TTN: variants seen among roughly 807,000 people sequenced by gnomAD.
TTN encodes the protein connectin.
TTN carries 1,525 observed loss-of-function variants against 3,223.0 expected under a neutral mutation model. The observed-to-expected ratio is 0.47, with a 90% CI of 0.45 to 0.49. The LOEUF (loss-of-function observed/expected upper bound fraction) is 0.49, where lower values mean the gene tolerates loss of function less well. TTN is among the 20% of genes least tolerant of loss of function. TTN has a pLI of 0.00. For synonymous variants in TTN, 14,094 were observed against 15,161.0 expected (o/e 0.93, Z 5.17); for missense variants, 40,786 against 43,424.0 (o/e 0.94, Z 5.40).
chr2:178,562,692 C>G lies in TTN; in HGVS notation c.83440G>C (p.Ala27814Pro), dbSNP rs772828081. ...EKRETTRKAY[A>P]TITNNCTKTT... ...TTAGTGCAATTATTTGTAATGGTAG[C>G]ATAGGCTTTTCTTGTAGTTTCTCGT... The change falls in exon 326 of 363, where the codon GCT becomes CCT. Residue 27814 changes from alanine (A) to proline (P), a missense_variant. Ala to Pro is a conservative substitution (Grantham distance 27). Coordinates refer to ENST00000589042, the MANE Select transcript of TTN (RefSeq NM_001267550.2). 3.8e-6 allele frequency: 6 copies of G among 1,596,206 alleles called. No homozygotes were observed. Among genetic ancestry groups the G allele is most frequent in the Non-Finnish European group, 5.1e-6 (6 of 1,172,610 alleles).
intron 29 of TTN, 38 bp downstream of exon 29, chr2:178,774,883 A>T: frequency 6.2e-7 from 1 of 1,612,046 alleles, no homozygotes; most frequent in South Asian, 1.1e-5. Flanking sequence ...GTGACTTTAG[A>T]GCTTAGGTAA....
chr2:178,805,224 G>C (rs1314261063), intron 1 of TTN, among the ~76,000 whole-genome samples: 3 of 151,488 alleles, frequency 2.0e-5, no homozygotes, highest in Admixed American at 1.3e-4. Flanking sequence ...CATGTCTGTA[G>C]TCCCAGCTAC....
Position 178,594,381 on chromosome 2 carries a change from T to C in TTN, c.58113A>G (p.Ser19371=), listed in dbSNP as rs2154187203. The part of the protein sequence containing the change: ...AVNIVGQGKP[S]FCTKPITCKD... ...TGCAAGTAATTGGTTTGGTGCAAAATGATGGTTTGCCTTGTCCAACAATGT... is the reference window on the plus strand; with the variant it reads ...TGCAAGTAATTGGTTTGGTGCAAAACGATGGTTTGCCTTGTCCAACAATGT... Residue 19371 remains serine (S), a synonymous_variant, in exon 296 of 363, where the codon TCA becomes TCG. Coordinates refer to ENST00000589042, the MANE Select transcript of TTN (RefSeq NM_001267550.2). 6.2e-7 allele frequency: 1 copy of C among 1,600,346 alleles called. No individual in the cohort carries two copies.
At position 178,722,553 on chromosome 2, in the gene TTN, G is replaced by A; in HGVS notation, c.22241-7C>T. 6.2e-7 allele frequency: 1 copy of A among 1,608,658 alleles called. No homozygotes were observed. The highest frequency in any genetic ancestry group is 1.7e-4 in the Middle Eastern group (1 of 6,012). ...GAAGGTGGGAGTTGGCGCTCTGTAG[G>A]GAGACATGTAATACTTAAGGTGTTA... On this transcript the variant is annotated splice_polypyrimidine_tract_variant and splice_region_variant and intron_variant, in intron 76 of 362. Transcript: ENST00000589042.
chr2:178,684,672 C>A lies in TTN; in HGVS notation c.32632G>T (p.Ala10878Ser), dbSNP rs1577383235. 1.2e-6 allele frequency: 2 copies of A among 1,606,220 alleles called. No individual in the cohort carries two copies. The highest frequency in any genetic ancestry group is 1.7e-6 in the Non-Finnish European group (2 of 1,177,870). ...GCTGGGGAGGTTTGTTTACCTTTGG[C>A]TGGGAGAGGTTCTTCCATCTTAATG... is the stretch of plus-strand genomic sequence containing the variant. ...KVIKMEEPLP[A>S]KVTERHMQIT... The change falls in exon 131 of 363, where the codon GCC (alanine) becomes TCC (serine). Residue 10878 changes from alanine to serine, a missense_variant. Physicochemically the swap from Ala to Ser is moderately conservative, Grantham distance 99 (BLOSUM62 1). Transcript: ENST00000589042.
At chr2:178,550,925 G>T in intron 336 of TTN, 42 bp downstream of exon 336, 1 of 1,575,126 alleles carries the variant, frequency 6.3e-7, no homozygotes. Flanking sequence ...TTAAAAATGT[G>T]AATGCTCTTA....
At position 178,790,732 on chromosome 2, in the gene TTN, A is replaced by T; in HGVS notation, c.1776T>A (p.Asp592Glu). The part of the protein sequence containing the change: ...GAQEETTTQQ[D>E]QMHLSYEKIM... ...CCTTTTCATAACTTAGGTGCATTTG[A>T]TCTTGTTGTGTGGTAGTTTCTTCTT... The change falls in exon 11 of 363, where the codon GAT becomes GAA. Residue 592 changes from aspartate (D) to glutamate (E), a missense_variant. Coordinates refer to ENST00000589042, the MANE Select transcript of TTN (RefSeq NM_001267550.2). 3 of 1,614,076 alleles carry T rather than the reference A, an allele frequency of 1.9e-6. No homozygotes were observed. Among genetic ancestry groups the T allele is most frequent in the Middle Eastern group, 3.3e-4 (2 of 6,062 alleles).
rs1003572610 is a variant in TTN, at chr2:178,768,544, T to C, written c.9163+129A>G. On this transcript the variant is annotated intron_variant, in intron 38 of 362. Transcript: ENST00000589042. ...TGTAGCATATCGTAGTGCTTCCTTT[T>C]TATTGCTGAATGATATCCCATCGTA... The C allele has an allele frequency of 2.9e-6, 4 of 1,375,522 alleles. No homozygotes were observed. The African/African-American group carries it at 4.4e-5, about 15-fold the overall frequency. 85.2% of individuals were successfully genotyped at this position (1,375,522 alleles called of 1,614,324 possible).
At chr2:178,610,473 G>C (rs558576414) in intron 270 of TTN, 84 bp from the exon 271 acceptor site, 146 of 1,411,306 alleles carry the variant, frequency 1.0e-4, no homozygotes, top group Non-Finnish European at 1.4e-4. Flanking sequence ...GGGGCTATCT[G>C]TATTTTGGGT....
Position 178,655,304 on chromosome 2 carries a change from A to G in TTN, c.38039-309T>C, listed in dbSNP as rs2063819418. On this transcript the variant is annotated intron_variant, in intron 189 of 362. Transcript: ENST00000589042. Reference sequence around the variant, plus strand: ...TATCTCAAAATAATAAGAGCTATTTATGACAAACCCACAGCCAGTATCATA... The same window carrying G: ...TATCTCAAAATAATAAGAGCTATTTGTGACAAACCCACAGCCAGTATCATA... Among the ~76,000 whole-genome samples the G allele has an allele frequency of 1.5e-5, 2 of 136,664 alleles. 1 individual carries two copies. The highest frequency in any genetic ancestry group is 3.0e-5 in the Non-Finnish European group (2 of 66,374). The allele number at this position is 136,664 out of a possible 152,430, so 89.7% of individuals were successfully genotyped here.
rs763256735 is a variant in TTN at position 178,565,195 on chromosome 2, T to G, written c.80937A>C (p.Pro26979=). 1.2e-6 allele frequency: 2 copies of G among 1,613,500 alleles called. No individual in the cohort carries two copies. The highest frequency in any genetic ancestry group is 1.7e-6 in the Non-Finnish European group (2 of 1,179,696). Residue 26979 remains proline, a synonymous_variant, in exon 326 of 363, where the codon CCA becomes CCC. Coordinates refer to ENST00000589042, the MANE Select transcript of TTN (RefSeq NM_001267550.2). ...CTGCACTAACTTCATCAAACCGAAC[T>G]GGGCCAACTGGAGGTCCAGGCTTTT... The part of the protein sequence containing the change: ...VLEKPGPPVG[P]VRFDEVSADF...
chr2:178,606,033 G>C (rs2154195983), intron 278 of TTN, among the ~76,000 whole-genome samples: 1 of 152,146 alleles, frequency 6.6e-6, no homozygotes, highest in Non-Finnish European at 1.5e-5. Flanking sequence ...AGGAAAGTAA[G>C]TCTGTGAAGC....
In TTN at chr2:178,555,064, A is replaced by G. The variant is rs1180686445; in HGVS notation, c.88395T>C (p.Ser29465=). 6.2e-7 allele frequency: 1 copy of G among 1,613,850 alleles called. No homozygotes were observed. Among genetic ancestry groups the G allele is most frequent in the South Asian group, 1.1e-5 (1 of 91,078 alleles). The part of the protein sequence containing the change: ...GTSVKLRAGI[S]GKPAPTIEWY... ...ACTCAATAGTAGGCGCAGGTTTGCC[A>G]GAAATGCCAGCTCTGAGCTTCACAG... The change falls in exon 331 of 363, where the codon TCT becomes TCC. Residue 29465 remains serine, a synonymous_variant. Coordinates refer to ENST00000589042, the MANE Select transcript of TTN (RefSeq NM_001267550.2).
In TTN at chr2:178,529,028, C is replaced by T. The variant is rs886055217; in HGVS notation, c.106723G>A (p.Glu35575Lys). The T allele has an allele frequency of 1.9e-6, 3 of 1,613,976 alleles. No individual in the cohort carries two copies. The highest frequency in any genetic ancestry group is 2.5e-6 in the Non-Finnish European group (3 of 1,179,880). Residue 35575 changes from glutamate to lysine, a missense_variant, in exon 360 of 363, where the codon GAA (glutamate) becomes AAA (lysine). Coordinates refer to ENST00000589042, the MANE Select transcript of TTN (RefSeq NM_001267550.2). Reference sequence around the variant, plus strand: ...GAGGTTGCTGCTGATTTCTTGACTTCTTCAGAAATCAGAACCTTTGAAGCT... The same window carrying T: ...GAGGTTGCTGCTGATTTCTTGACTTTTTCAGAAATCAGAACCTTTGAAGCT... ...EEASKVLISE[E>K]VKKSAATSLE...
At position 178,707,550 on chromosome 2, in the gene TTN, T is replaced by A; in HGVS notation, c.29017A>T (p.Thr9673Ser). The A allele has an allele frequency of 6.2e-7, 1 of 1,613,464 alleles. No individual in the cohort carries two copies. Among genetic ancestry groups the A allele is most frequent in the South Asian group, 1.1e-5 (1 of 91,030 alleles). Residue 9673 changes from threonine to serine, a missense_variant, in exon 100 of 363, where the codon ACC becomes TCC. Thr to Ser is a moderately conservative substitution (Grantham distance 58). Coordinates refer to ENST00000589042, the MANE Select transcript of TTN (RefSeq NM_001267550.2). ...CCTTTAATGGTCACTTTTGATTTGGTAGTGTCACTTCCAGCCACATTTGAA... is the reference window on the plus strand; with the variant it reads ...CCTTTAATGGTCACTTTTGATTTGGAAGTGTCACTTCCAGCCACATTTGAA... ...KASNVAGSDT[T>S]KSKVTIKDKP...
At chr2:178,664,210 G>T in intron 168 of TTN, 112 bp from the exon 169 acceptor site, 3 of 1,080,650 alleles carry the variant, frequency 2.8e-6, no homozygotes, top group African/African-American at 1.6e-5. Context: ...TGAGATCAGT[G>T]GTAACAAGTT....
rs1402117670 is a variant in TTN, at chr2:178,720,488, A to G, written c.23274T>C (p.Ser7758=). 1.2e-6 allele frequency: 2 copies of G among 1,613,706 alleles called. No individual in the cohort carries two copies. Among genetic ancestry groups the G allele is most frequent in the Non-Finnish European group, 1.7e-6 (2 of 1,179,684 alleles). ...FKITSKHFDT[S]LHILNLEASD... ...AGGCTTCAAGATTAAGGATATGAAG[A>G]CTTGTATCAAAATGTTTTGAAGTGA... The change falls in exon 80 of 363, where the codon AGT becomes AGC. Residue 7758 remains serine, a synonymous_variant. Coordinates refer to ENST00000589042, the MANE Select transcript of TTN (RefSeq NM_001267550.2).
At chr2:178,736,219 A>C (rs1429857731) in intron 49 of TTN, 145 bp from the exon 50 acceptor site, 3 of 725,752 alleles carry the variant, frequency 4.1e-6, no homozygotes, top group Non-Finnish European at 4.2e-6. Flanking sequence ...GTTAATAAGA[A>C]CAAAAGATTG....
rs766887868 is a variant in TTN at position 178,585,182 on chromosome 2, G to A, written c.64562C>T (p.Ser21521Phe). ...SHLAVHKADSSSILIIKDVTR... is the reference protein window; with the variant it reads ...SHLAVHKADSFSILIIKDVTR... Reference sequence around the variant, plus strand: ...CACATCTTTTATGATCAGAATTGAAGAGCTGTCTGCTTTATGCACTGCCAG... The same window carrying A: ...CACATCTTTTATGATCAGAATTGAAAAGCTGTCTGCTTTATGCACTGCCAG... The change falls in exon 309 of 363, where the codon TCT becomes TTT. Residue 21521 changes from serine to phenylalanine, a missense_variant. Physicochemically the swap from Ser to Phe is radical, Grantham distance 155. Coordinates refer to ENST00000589042, the MANE Select transcript of TTN (RefSeq NM_001267550.2). 1 of 1,613,336 alleles carries A rather than the reference G, an allele frequency of 6.2e-7. No homozygotes were observed. The highest frequency in any genetic ancestry group is 8.5e-7 in the Non-Finnish European group (1 of 1,179,470).
Sources: allele counts gnomAD v4.1 joint callset (sites outside exome capture counted in the v4.1 genomes callset), GRCh38; gene constraint gnomAD v4.1.1; transcripts MANE v1.5; gene names NCBI Gene and HGNC (gene_info 2026-07-23, HGNC 2026-07-21).